The following SLC22A15 variants were observed in gnomAD, a reference collection of about 807,000 sequenced individuals.
SLC22A15 encodes flipt 1.
In SLC22A15, 45 loss-of-function variants were observed where a neutral mutation model predicts 62.7. The ratio of observed to expected loss-of-function variants is 0.72; its 90% confidence interval spans 0.56 to 0.92. SLC22A15 has a LOEUF of 0.92. SLC22A15 is among the 40% of genes least tolerant of loss of function. The pLI, the probability that SLC22A15 is intolerant of heterozygous loss-of-function variation, is 0.00. For missense variants in SLC22A15, 622 were observed against 665.6 expected (o/e 0.93, Z 0.72); for synonymous variants, 264 against 267.0 (o/e 0.99, Z 0.11).
chr1:116,055,595 A>G (rs1196336067), intron 8 of SLC22A15, among the ~76,000 whole-genome samples: 1 of 150,280 alleles, frequency 6.7e-6, no homozygotes, highest in Non-Finnish European at 1.5e-5. Context: ...GGGCAGAGAC[A>G]CAACCAAAAA....
At chr1:116,052,149 G>A (rs751596148) in intron 8 of SLC22A15, among the ~76,000 whole-genome samples, 1 of 152,232 alleles carries the variant, frequency 6.6e-6, no homozygotes, top group African/African-American at 2.4e-5. Context: ...CCCTTTCCTG[G>A]TCAAGGAAAG....
intron 1 of SLC22A15, among the ~76,000 whole-genome samples, chr1:115,989,457 G>A (rs1655041664): frequency 6.6e-6 from 1 of 152,102 alleles, no homozygotes; most frequent in Non-Finnish European, 1.5e-5. Context: ...TATCTGTAAG[G>A]TTGCTTATCC....
intron 2 of SLC22A15, among the ~76,000 whole-genome samples, chr1:116,013,009 A>G (rs1486193242): frequency 6.6e-6 from 1 of 152,230 alleles, no homozygotes; most frequent in Non-Finnish European, 1.5e-5. Flanking sequence ...GCACTTTATT[A>G]TAAAGTCAGC....
At chr1:116,035,948 G>A (rs946883893) in intron 7 of SLC22A15, among the ~76,000 whole-genome samples, 7 of 152,176 alleles carry the variant, frequency 4.6e-5, no homozygotes. Flanking sequence ...TGTATGAGCT[G>A]GGAATCAGTT....
intron 4 of SLC22A15, among the ~76,000 whole-genome samples, chr1:116,022,297 G>A (rs1022625415): frequency 6.6e-6 from 1 of 152,134 alleles, no homozygotes; most frequent in Non-Finnish European, 1.5e-5. Flanking sequence ...AGACTTTAGG[G>A]TCATTTTTCT....
At chr1:115,976,821 T>G in intron 1 of SLC22A15, 107 bp downstream of exon 1, 1 of 850,266 alleles carries the variant, frequency 1.2e-6, no homozygotes, top group Non-Finnish European at 1.8e-6. Flanking sequence ...GCCGAGGCTC[T>G]GCAAACACCG....
chr1:116,067,709 T>C lies in SLC22A15; in HGVS notation c.*601T>C, dbSNP rs1278977181. On this transcript the variant is annotated 3_prime_UTR_variant, in exon 12 of 12. Coordinates refer to ENST00000369503, the MANE Select transcript of SLC22A15 (RefSeq NM_018420.3). ...CTCAGCTTGGTTCCCAGCCTGCTGA[T>C]TGACTTGGGCTGCTGGTGCCTTGAG... The C allele has an allele frequency of 6.6e-6, 1 of 152,482 alleles. No homozygotes were observed. Among genetic ancestry groups the C allele is most frequent in the Non-Finnish European group, 1.5e-5 (1 of 68,310 alleles). 9.4% of individuals were successfully genotyped at this position (152,482 alleles called of 1,614,324 possible).
chr1:115,997,482 A>G (rs1655487746), intron 2 of SLC22A15, among the ~76,000 whole-genome samples: 1 of 152,038 alleles, frequency 6.6e-6, no homozygotes, highest in Admixed American at 6.6e-5. Context: ...TTCTTGCATC[A>G]ATATTTTATA....
chr1:115,979,331 G>T (rs1375041512), intron 1 of SLC22A15, among the ~76,000 whole-genome samples: 1 of 152,120 alleles, frequency 6.6e-6, no homozygotes, highest in Non-Finnish European at 1.5e-5. Context: ...ACAATTTTTG[G>T]AATCTCAATA....
intron 1 of SLC22A15, among the ~76,000 whole-genome samples, chr1:115,987,765 GA>G (rs1166088393): frequency 2.0e-5 from 3 of 151,904 alleles, no homozygotes; most frequent in Non-Finnish European, 4.4e-5. Flanking sequence ...TATTTTCTCC[GA>G]AAAAAGCTCT....
intron 3 of SLC22A15, among the ~76,000 whole-genome samples, chr1:116,019,924 C>T (rs919924231): frequency 6.6e-6 from 1 of 152,198 alleles, no homozygotes; most frequent in Non-Finnish European, 1.5e-5. Context: ...TAGTTAAAGT[C>T]AGATATTTGT....
At chr1:116,030,686 A>G (rs1290196479) in intron 5 of SLC22A15, among the ~76,000 whole-genome samples, 1 of 152,210 alleles carries the variant, frequency 6.6e-6, no homozygotes, top group Non-Finnish European at 1.5e-5. Flanking sequence ...TCAGGAAATA[A>G]CTTCTATTCT....
rs192518588 is a variant in SLC22A15 at position 115,977,871 on chromosome 1, A to C, written c.87+1157A>C. On this transcript the variant is annotated intron_variant, in intron 1 of 11. Coordinates refer to ENST00000369503, the MANE Select transcript of SLC22A15 (RefSeq NM_018420.3). Reference sequence around the variant, plus strand: ...GGTAGGGGTTGACTTATTGATTAAAATGTTTGGAAGTTCAGTTGATTTCAT... The same window carrying C: ...GGTAGGGGTTGACTTATTGATTAAACTGTTTGGAAGTTCAGTTGATTTCAT... Among the ~76,000 whole-genome samples, 3 of 152,350 alleles carry C rather than the reference A, an allele frequency of 2.0e-5. No homozygotes were observed. The East Asian group carries it at 5.8e-4, about 29-fold the overall frequency.
rs1657386812 is a variant in SLC22A15, at chr1:116,031,414, TG to T, written c.778del (p.Glu260ArgfsTer22). On this transcript the variant is annotated frameshift_variant, in exon 6 of 12. Coordinates refer to ENST00000369503, the MANE Select transcript of SLC22A15 (RefSeq NM_018420.3). LOFTEE classifies it high-confidence loss of function. The part of the protein sequence containing the change: ...RWLYSQGRLS[E>X]AEEALYLIAK... Reference sequence around the variant, plus strand: ...GGTTATACTCCCAGGGTCGACTGAGTGAGGCTGAAGAGGCGCTGTACCTCAT... The same window carrying T: ...GGTTATACTCCCAGGGTCGACTGAGTAGGCTGAAGAGGCGCTGTACCTCAT... 1 of 1,613,684 alleles carries T rather than the reference TG, an allele frequency of 6.2e-7. No individual in the cohort carries two copies. Among genetic ancestry groups the T allele is most frequent in the South Asian group, 1.1e-5 (1 of 91,072 alleles).
intron 8 of SLC22A15, among the ~76,000 whole-genome samples, chr1:116,048,106 ATAAT>A (rs2101522569): frequency 6.6e-6 from 1 of 152,318 alleles, no homozygotes; most frequent in African/African-American, 2.4e-5. Flanking sequence ...AAACCAAAGA[ATAAT>A]TGGTGTTCCT....
At chr1:116,020,689 C>G in intron 3 of SLC22A15, 32 bp from the exon 4 acceptor site, 2 of 1,545,994 alleles carry the variant, frequency 1.3e-6, no homozygotes, top group African/African-American at 1.4e-5. Flanking sequence ...TATTTTGCCT[C>G]TGGATTATTG....
intron 8 of SLC22A15, among the ~76,000 whole-genome samples, chr1:116,051,814 ACAG>A (rs572882878): frequency 7.2e-5 from 11 of 152,284 alleles, no homozygotes; most frequent in Admixed American, 2.0e-4. Context: ...CTGCAGAAAA[ACAG>A]CAGATTTGTG....
chr1:115,985,360 C>G (rs1435898172), intron 1 of SLC22A15, among the ~76,000 whole-genome samples: 1 of 152,074 alleles, frequency 6.6e-6, no homozygotes, highest in East Asian at 1.9e-4. Context: ...GGTTATAGAT[C>G]TAGGTTTGTG....
chr1:116,065,030 C>G (rs1207860565), intron 10 of SLC22A15, among the ~76,000 whole-genome samples: 1 of 151,758 alleles, frequency 6.6e-6, no homozygotes, highest in East Asian at 1.9e-4. Context: ...TTGAAACTTT[C>G]TAACTTGTAT....
Sources: allele counts gnomAD v4.1 joint callset (sites outside exome capture counted in the v4.1 genomes callset), GRCh38; gene constraint gnomAD v4.1.1; transcripts MANE v1.5; gene names NCBI Gene and HGNC (gene_info 2026-07-23, HGNC 2026-07-21).